The following ENTHD1 variants were observed in gnomAD, a reference collection of about 807,000 sequenced individuals.
The protein encoded by ENTHD1 is ENTH domain-containing protein 1.
In ENTHD1, 23 loss-of-function variants were observed where a neutral mutation model predicts 39.1. That is an observed-to-expected ratio of 0.59 (90% CI 0.42 to 0.83). The LOEUF is 0.83. Ranked by LOEUF, ENTHD1 falls within the 40% of genes least tolerant of loss-of-function variation. ENTHD1 has a pLI of 0.00. For missense variants in ENTHD1, 624 were observed against 705.4 expected (o/e 0.88, Z 1.31); for synonymous variants, 230 against 258.2 (o/e 0.89, Z 1.05).
chr22:39,765,176 TTGTGTGTGTG>T (rs71326782), intron 6 of ENTHD1, 37 bp downstream of exon 6: 159 of 1,402,918 alleles, frequency 1.1e-4, no homozygotes, highest in African/African-American at 3.6e-4. Flanking sequence ...AGGTTTTTTG[TTGTGTGTGTG>T]TGTGTGTGTG....
intron 5 of ENTHD1, among the ~76,000 whole-genome samples, chr22:39,794,819 A>C (rs868585815): frequency 1.3e-5 from 2 of 151,890 alleles, no homozygotes; most frequent in Non-Finnish European, 2.9e-5. Context: ...AAAAAAAAAA[A>C]AGTGGCATCC....
chr22:39,874,450 GAC>G (rs1426669455), intron 2 of ENTHD1: 1 of 152,130 alleles, frequency 6.6e-6, no homozygotes, highest in Non-Finnish European at 1.5e-5. Flanking sequence ...CTTTAGGAGA[GAC>G]ACACATACAG....
intron 2 of ENTHD1, among the ~76,000 whole-genome samples, chr22:39,883,436 T>C (rs2066355519): frequency 6.6e-6 from 1 of 151,932 alleles, no homozygotes; most frequent in Non-Finnish European, 1.5e-5. Flanking sequence ...ACTCGACAAC[T>C]AGGAATAGAA....
At chr22:39,809,620 C>G (rs915856398) in intron 5 of ENTHD1, among the ~76,000 whole-genome samples, 1 of 152,174 alleles carries the variant, frequency 6.6e-6, no homozygotes, top group African/African-American at 2.4e-5. Context: ...TGCTCAGCCA[C>G]CTTTTAATTG....
chr22:39,811,872 G>A (rs980927420), intron 5 of ENTHD1, among the ~76,000 whole-genome samples: 15 of 152,096 alleles, frequency 9.9e-5, no homozygotes, highest in African/African-American at 2.9e-4. Context: ...CCAGCTACTC[G>A]GGAGGCTGAG....
At chr22:39,778,481 A>C (rs1219928080) in intron 5 of ENTHD1, among the ~76,000 whole-genome samples, 1 of 152,230 alleles carries the variant, frequency 6.6e-6, no homozygotes, top group Non-Finnish European at 1.5e-5. Context: ...AATCACGTCT[A>C]AGTCTGCAAC....
intron 2 of ENTHD1, chr22:39,875,410 G>A: frequency 2.0e-6 from 3 of 1,477,748 alleles, no homozygotes; most frequent in South Asian, 1.4e-5. Flanking sequence ...CCCCGGAGCA[G>A]CCTGTGTTGG....
intron 3 of ENTHD1, among the ~76,000 whole-genome samples, chr22:39,842,841 CA>C (rs1461729436): frequency 2.0e-5 from 3 of 147,816 alleles, no homozygotes; most frequent in Non-Finnish European, 4.5e-5. Flanking sequence ...TTTATGCAGC[CA>C]AAAAACACAT....
rs1303406287 is a variant in ENTHD1 at position 39,867,421 on chromosome 22, A to G, written c.350-5414T>C. On this transcript the variant is annotated intron_variant, in intron 2 of 6. Transcript: ENST00000325157. The surrounding 1 kb of genome is among the most constrained non-coding windows in gnomAD (Gnocchi z 4.5). Reference sequence around the variant, plus strand: ...CCTACCAAAATCTACTCTTCTTCCCATATTCCTTTCTCGGTGACTTTTATC... The same window carrying G: ...CCTACCAAAATCTACTCTTCTTCCCGTATTCCTTTCTCGGTGACTTTTATC... Among the ~76,000 whole-genome samples the G allele has an allele frequency of 3.3e-5, 5 of 151,748 alleles. No individual in the cohort carries two copies. Among genetic ancestry groups the G allele is most frequent in the East Asian group, 1.9e-4 (1 of 5,166 alleles).
At chr22:39,766,503 G>T (rs1430091647) in intron 5 of ENTHD1, among the ~76,000 whole-genome samples, 1 of 152,102 alleles carries the variant, frequency 6.6e-6, no homozygotes, top group Non-Finnish European at 1.5e-5. Flanking sequence ...ACCGGGATAC[G>T]AAAAGAAAGA....
At chr22:39,751,148 AAG>A (rs1437626402) in intron 6 of ENTHD1, 7 of 153,542 alleles carry the variant, frequency 4.6e-5, no homozygotes, top group Non-Finnish European at 1.0e-4. Context: ...TCATTTGAGA[AAG>A]AAAATAGATC....
intron 2 of ENTHD1, among the ~76,000 whole-genome samples, chr22:39,884,774 T>C (rs914144447): frequency 2.6e-5 from 4 of 152,206 alleles, no homozygotes; most frequent in Admixed American, 2.0e-4. Context: ...AAAATGGTCT[T>C]TTCGATAAAT....
chr22:39,831,005 G>A (rs1345677825), intron 4 of ENTHD1, among the ~76,000 whole-genome samples: 1 of 152,232 alleles, frequency 6.6e-6, no homozygotes, highest in Non-Finnish European at 1.5e-5. Flanking sequence ...TGAAGCTGTG[G>A]ACCTTTGGGG....
chr22:39,810,937 C>T (rs753995408), intron 5 of ENTHD1, among the ~76,000 whole-genome samples: 3 of 152,168 alleles, frequency 2.0e-5, no homozygotes, highest in African/African-American at 4.8e-5. Flanking sequence ...TCAATAGAGG[C>T]AAGAGGGACC....
chr22:39,759,339 C>T (rs957431472), intron 6 of ENTHD1, among the ~76,000 whole-genome samples: 4 of 152,038 alleles, frequency 2.6e-5, no homozygotes, highest in Non-Finnish European at 4.4e-5. Flanking sequence ...CAAAGGTCTT[C>T]GCAGGTCAAT....
At chr22:39,892,104 A>G (rs1185395588) in intron 1 of ENTHD1, among the ~76,000 whole-genome samples, 1 of 152,252 alleles carries the variant, frequency 6.6e-6, no homozygotes, top group Non-Finnish European at 1.5e-5. Context: ...AGTACCTACC[A>G]TTTGTATAGC....
rs774070537 is a variant in ENTHD1 at position 39,821,020 on chromosome 22, C to G, written c.805G>C (p.Glu269Gln). 3 of 1,613,936 alleles carry G rather than the reference C, an allele frequency of 1.9e-6. No individual in the cohort carries two copies. The highest frequency in any genetic ancestry group is 2.5e-6 in the Non-Finnish European group (3 of 1,179,958). ...VSPITCLSEA[E>Q]EVCNLSGADA... is the part of the protein sequence containing the mutation. ...GCACCCGAAAGATTACAAACTTCTT[C>G]TGCTTCTGACAAGCAAGTGATTGGA... Residue 269 changes from glutamate to glutamine, a missense_variant, in exon 5 of 7, where the codon GAA (glutamate) becomes CAA (glutamine). Transcript: ENST00000325157.
At chr22:39,772,794 C>A (rs2065337074) in intron 5 of ENTHD1, among the ~76,000 whole-genome samples, 1 of 151,796 alleles carries the variant, frequency 6.6e-6, no homozygotes. Context: ...TAAAGATATA[C>A]CATGGAACGA....
At chr22:39,892,206 T>A (rs1356706218) in intron 1 of ENTHD1, among the ~76,000 whole-genome samples, 1 of 152,226 alleles carries the variant, frequency 6.6e-6, no homozygotes. Flanking sequence ...GCAAAACAAA[T>A]GATTACGTAG....
Sources: gnomAD v4.1 joint callset for allele counts (sites outside exome capture counted in the v4.1 genomes callset) on GRCh38, gnomAD v4.1.1 for gene constraint, Gnocchi (gnomAD v3.1) non-coding constraint, MANE v1.5 for transcripts, NCBI Gene and HGNC (gene_info 2026-07-23, HGNC 2026-07-21) for gene names.